Variants in GLB1 observed in about 807,000 individuals in gnomAD.
The protein encoded by GLB1 is beta-galactosidase.
GLB1 carries 56 observed loss-of-function variants against 74.0 expected under a neutral mutation model. The ratio of observed to expected loss-of-function variants is 0.76; its 90% CI spans 0.61 to 0.94. The LOEUF (loss-of-function observed/expected upper bound fraction) is 0.94, where lower values mean the gene tolerates loss of function less well. GLB1 is among the 40% of genes least tolerant of loss of function. GLB1 has a pLI of 0.00. For missense variants in GLB1, 787 were observed against 845.5 expected (o/e 0.93, Z 0.86); for synonymous variants, 323 against 323.6 (o/e 1.00, Z 0.02).
Position 32,998,004 on chromosome 3 carries a change from T to C in GLB1, c.1735-660A>G, listed in dbSNP as rs549113749. On this transcript the variant is annotated intron_variant, in intron 15 of 15. Transcript: ENST00000307363. ...CAGTTGGGTGTCTATATTACTGCTATGTTCTAAGGACTCTTACAGGCACCC... is the reference window on the plus strand; with the variant it reads ...CAGTTGGGTGTCTATATTACTGCTACGTTCTAAGGACTCTTACAGGCACCC... Among the ~76,000 whole-genome samples, 3 of 152,312 alleles carry C rather than the reference T, an allele frequency of 2.0e-5. No homozygotes were observed. The South Asian group carries it at 6.2e-4, about 32-fold the overall frequency.
chr3:33,076,962 G>T, intron 1 of GLB1: 1 of 863,838 alleles, frequency 1.2e-6, no homozygotes. Context: ...AATGGCTCAT[G>T]CCTGTAATCC....
In GLB1 at chr3:33,021,623, C is replaced by A. The variant is rs776608131; in HGVS notation, c.1176G>T (p.Leu392=). Residue 392 remains leucine (L), a synonymous_variant, in exon 12 of 16, where the codon CTG becomes CTT. Transcript: ENST00000307363. ...GGCTTTTGATGGGCCCAGAGGGACA[C>A]AGAATGTCCAGAGCTGCTCCCACTG... ...LKTVGAALDI[L]CPSGPIKSLY... 6 of 1,614,044 alleles carry A rather than the reference C, an allele frequency of 3.7e-6. No homozygotes were observed. Among genetic ancestry groups the A allele is most frequent in the Admixed American group, 1.7e-5 (1 of 59,998 alleles).
chr3:33,087,665 G>A (rs9816051), intron 1 of GLB1, among the ~76,000 whole-genome samples: 110,250 of 151,020 alleles, frequency 0.73, 40,584 homozygotes, highest in East Asian at 0.98. Context: ...GGCTTCACTG[G>A]AGAATTCTAC....
At chr3:32,971,154 A>C in the GLB1 span, among the ~76,000 whole-genome samples, 1 of 152,244 alleles carries the variant, frequency 6.6e-6, no homozygotes, top group African/African-American at 2.4e-5. Flanking sequence ...GGACTGCTCT[A>C]CTAAGTAGTA....
intron 10 of GLB1, chr3:33,045,604 GC>G: frequency 2.0e-6 from 2 of 991,076 alleles, no homozygotes; most frequent in Non-Finnish European, 2.4e-6. Context: ...TTCAGATGAT[GC>G]ATTAAATAAA....
intron 5 of GLB1, among the ~76,000 whole-genome samples, chr3:33,065,016 G>A (rs749919360): frequency 4.6e-5 from 7 of 152,062 alleles, no homozygotes; most frequent in Non-Finnish European, 7.4e-5. Flanking sequence ...TCCATTCCAG[G>A]GTTATCTGAC....
chr3:32,963,465 CA>C, the GLB1 span, among the ~76,000 whole-genome samples: 81 of 152,242 alleles, frequency 5.3e-4, 2 homozygotes, highest in South Asian at 0.016. Context: ...ATATGCATGA[CA>C]AAAACATCCC....
chr3:33,014,562 G>C (rs1326776692), intron 14 of GLB1, among the ~76,000 whole-genome samples: 1 of 152,172 alleles, frequency 6.6e-6, no homozygotes, highest in Non-Finnish European at 1.5e-5. Flanking sequence ...AAAAGGCCCA[G>C]AGTTTCTGCT....
chr3:33,074,396 G>GAAAGAA (rs1575478225), intron 1 of GLB1, among the ~76,000 whole-genome samples: 6 of 140,476 alleles, frequency 4.3e-5, no homozygotes, highest in African/African-American at 7.7e-5. Context: ...AAGGAAGAAA[G>GAAAGAA]AAAGAAAGAA....
chr3:33,090,856 T>A (rs1023498350), intron 1 of GLB1: 1 of 984,266 alleles, frequency 1.0e-6, no homozygotes, highest in Admixed American at 6.2e-5. Flanking sequence ...GACTTCAGAG[T>A]GGATGAAGGG....
At chr3:33,008,458 A>C (rs1311204395) in intron 15 of GLB1, among the ~76,000 whole-genome samples, 1 of 152,156 alleles carries the variant, frequency 6.6e-6, no homozygotes, top group Non-Finnish European at 1.5e-5. Flanking sequence ...CAGAGAGATA[A>C]GTCTGACAGG....
intron 15 of GLB1, among the ~76,000 whole-genome samples, chr3:33,001,388 A>G (rs755481662): frequency 3.3e-5 from 5 of 151,924 alleles, no homozygotes; most frequent in African/African-American, 9.7e-5. Context: ...CAGCTCCCCA[A>G]TTACTTTCAG....
chr3:33,068,416 G>T, intron 3 of GLB1, 126 bp from the exon 4 acceptor site: 1 of 1,315,346 alleles, frequency 7.6e-7, no homozygotes, highest in South Asian at 1.5e-5. Flanking sequence ...ATTTGAGCTG[G>T]GCTTTTTGGT....
chr3:33,074,090 T>C (rs972364207), intron 1 of GLB1, among the ~76,000 whole-genome samples: 3 of 147,722 alleles, frequency 2.0e-5, no homozygotes, highest in South Asian at 2.1e-4. Flanking sequence ...CTGTAATCCC[T>C]GCACTTTGGG....
chr3:33,065,021 T>C (rs978239287), intron 5 of GLB1, among the ~76,000 whole-genome samples: 4 of 152,134 alleles, frequency 2.6e-5, no homozygotes, highest in African/African-American at 9.7e-5. Flanking sequence ...TCCAGGGTTA[T>C]CTGACTGTCA....
chr3:32,977,882 G>A, the GLB1 span, among the ~76,000 whole-genome samples: 40,166 of 152,028 alleles, frequency 0.26, 5,737 homozygotes, highest in Middle Eastern at 0.41. Flanking sequence ...CTTCTGCCCC[G>A]AAAGCCCACA....
chr3:33,000,770 T>C (rs1458866902), intron 15 of GLB1, among the ~76,000 whole-genome samples: 3 of 152,068 alleles, frequency 2.0e-5, no homozygotes, highest in Non-Finnish European at 2.9e-5. Flanking sequence ...AACAATATTA[T>C]ACAAGAAGCT....
chr3:32,982,773 G>A, the GLB1 span, among the ~76,000 whole-genome samples: 1 of 152,042 alleles, frequency 6.6e-6, no homozygotes, highest in African/African-American at 2.4e-5. Flanking sequence ...CTTTCTGACT[G>A]AGGTACATAC....
intron 5 of GLB1, among the ~76,000 whole-genome samples, chr3:33,064,191 C>A (rs984497214): frequency 2.6e-5 from 4 of 151,848 alleles, no homozygotes; most frequent in Admixed American, 6.6e-5. Flanking sequence ...GTAATCCCAG[C>A]ACTTTGGGAG....
Sources: allele counts gnomAD v4.1 joint callset (sites outside exome capture counted in the v4.1 genomes callset), GRCh38; gene constraint gnomAD v4.1.1; transcripts MANE v1.5; gene names NCBI Gene and HGNC (gene_info 2026-07-23, HGNC 2026-07-21).